ALPK1: variants seen among roughly 807,000 people sequenced by gnomAD.
ALPK1 encodes the protein alpha-protein kinase 1.
ALPK1 carries 110 observed loss-of-function variants against 120.6 expected under a neutral mutation model. That is an observed-to-expected ratio of 0.91 (90% CI 0.78 to 1.07). The LOEUF (loss-of-function observed/expected upper bound fraction) is 1.07. Ranked by LOEUF, ALPK1 falls within the 50% of genes least tolerant of loss-of-function variation. ALPK1 has a pLI of 0.00. For synonymous variants in ALPK1, 582 were observed against 560.3 expected, an observed-to-expected ratio of 1.04 and a Z score of -0.55; for missense variants, 1,498 against 1,483.9, an observed-to-expected ratio of 1.01 and a Z score of -0.16.
At chr4:112,341,501 G>GT (rs1729861942) in intron 2 of ALPK1, among the ~76,000 whole-genome samples, 1 of 152,264 alleles carries the variant, frequency 6.6e-6, no homozygotes, top group Non-Finnish European at 1.5e-5. Context: ...ATAGATTAGG[G>GT]TTTTGTCACT....
intron 4 of ALPK1, among the ~76,000 whole-genome samples, chr4:112,394,127 A>G (rs894951297): frequency 2.6e-5 from 4 of 152,138 alleles, no homozygotes; most frequent in African/African-American, 9.7e-5. Flanking sequence ...CGTGGAAATG[A>G]CGGGACCACC....
chr4:112,358,169 G>A, intron 2 of ALPK1: 1 of 617,938 alleles, frequency 1.6e-6, no homozygotes, highest in African/African-American at 1.8e-5. Flanking sequence ...TGTGAACCAG[G>A]CCATCGGGCA....
chr4:112,439,270 C>T (rs1734921580), intron 13 of ALPK1, among the ~76,000 whole-genome samples: 1 of 152,174 alleles, frequency 6.6e-6, no homozygotes, highest in African/African-American at 2.4e-5. Flanking sequence ...CTTTATGTCA[C>T]TCACTGTGCC....
Position 112,431,031 on chromosome 4 carries a change from CAG to C in ALPK1, c.1486_1487del (p.Glu496AsnfsTer29). 6.2e-7 allele frequency: 1 copy of C among 1,612,920 alleles called. No homozygotes were observed. The highest frequency in any genetic ancestry group is 8.5e-7 in the Non-Finnish European group (1 of 1,179,708). On this transcript the variant is annotated frameshift_variant, in exon 11 of 16. Coordinates refer to ENST00000650871, the MANE Select transcript of ALPK1 (RefSeq NM_025144.4). LOFTEE classifies it high-confidence loss of function. ...GGAGTCTGCATCACTGCTCTAAAAACAGAAATAAAAAACATAGATACTGTGAG... is the reference window on the plus strand; with the variant it reads ...GGAGTCTGCATCACTGCTCTAAAAACAAATAAAAAACATAGATACTGTGAG...
intron 4 of ALPK1, among the ~76,000 whole-genome samples, chr4:112,385,897 T>C (rs954452981): frequency 3.9e-5 from 6 of 152,232 alleles, no homozygotes; most frequent in African/African-American, 1.4e-4. Flanking sequence ...AAACTTTCTG[T>C]GATTTTTTTA....
intron 9 of ALPK1, among the ~76,000 whole-genome samples, chr4:112,428,885 A>G (rs747554104): frequency 8.5e-5 from 13 of 152,260 alleles, no homozygotes; most frequent in Non-Finnish European, 1.6e-4. Context: ...CAAAATGTGC[A>G]GTTCCTTTGA....
At chr4:112,384,780 G>A (rs952755124) in intron 4 of ALPK1, 13 of 152,182 alleles carry the variant, frequency 8.5e-5, no homozygotes, top group African/African-American at 2.9e-4. Context: ...ATAGTGGAGA[G>A]GGTCAAGGTA....
chr4:112,408,451 T>G (rs2148746872), intron 4 of ALPK1, among the ~76,000 whole-genome samples: 1 of 152,224 alleles, frequency 6.6e-6, no homozygotes, highest in African/African-American at 2.4e-5. Context: ...TTGATTTACA[T>G]TTTATGAATG....
chr4:112,416,070 C>T (rs1361253046), intron 5 of ALPK1, among the ~76,000 whole-genome samples: 2 of 152,190 alleles, frequency 1.3e-5, no homozygotes, highest in African/African-American at 2.4e-5. Context: ...AACAAAAAGA[C>T]ACAAATAGTA....
At chr4:112,393,761 G>A (rs778653288) in intron 4 of ALPK1, among the ~76,000 whole-genome samples, 22 of 152,132 alleles carry the variant, frequency 1.4e-4, no homozygotes, top group Non-Finnish European at 4.4e-5. Context: ...AGTGACTCAA[G>A]TACTGCATCT....
chr4:112,390,199 G>A (rs1027827429), intron 4 of ALPK1, among the ~76,000 whole-genome samples: 1 of 152,178 alleles, frequency 6.6e-6, no homozygotes, highest in East Asian at 1.9e-4. Context: ...TCCATCTCAT[G>A]GCCTCCTTTC....
chr4:112,385,725 T>A (rs1385436195), intron 4 of ALPK1, among the ~76,000 whole-genome samples: 1 of 152,194 alleles, frequency 6.6e-6, no homozygotes, highest in Non-Finnish European at 1.5e-5. Flanking sequence ...TTTCATTGTA[T>A]CCCAATCTGG....
At chr4:112,389,195 C>T (rs1231808831) in intron 4 of ALPK1, among the ~76,000 whole-genome samples, 1 of 152,104 alleles carries the variant, frequency 6.6e-6, no homozygotes, top group Non-Finnish European at 1.5e-5. Flanking sequence ...CAGGCACGCA[C>T]CACCACTCCC....
chr4:112,301,805 G>A (rs1394783679), intron 1 of ALPK1, among the ~76,000 whole-genome samples: 3 of 152,154 alleles, frequency 2.0e-5, no homozygotes, highest in Non-Finnish European at 4.4e-5. Context: ...GGAGTGCAGT[G>A]ATGTGATTGT....
rs1238892861 is a variant in ALPK1 at position 112,413,968 on chromosome 4, T to A, written c.475+1943T>A. 2.0e-5 allele frequency among the ~76,000 whole-genome samples: 3 copies of A among 152,204 alleles called. No individual in the cohort carries two copies. In the East Asian group the frequency reaches 5.8e-4, roughly 29 times the overall value. On this transcript the variant is annotated intron_variant, in intron 5 of 15. Transcript: ENST00000650871. ...GTGCCACAGAAAGACAAATATAACC[T>A]CAGAGTTAAGTCTTCTTGTGTAAAC...
intron 4 of ALPK1, among the ~76,000 whole-genome samples, chr4:112,398,913 G>A (rs1732786695): frequency 6.6e-6 from 1 of 152,150 alleles, no homozygotes; most frequent in African/African-American, 2.4e-5. Flanking sequence ...AAAACTCCAA[G>A]GTTTTGTCCT....
intron 2 of ALPK1, among the ~76,000 whole-genome samples, chr4:112,343,840 C>T (rs553549725): frequency 6.7e-6 from 1 of 149,218 alleles, no homozygotes; most frequent in African/African-American, 2.5e-5. Context: ...GGAGCACATT[C>T]ATGCCCATCT....
intron 2 of ALPK1, among the ~76,000 whole-genome samples, chr4:112,335,698 C>G (rs1729585685): frequency 6.6e-6 from 1 of 152,186 alleles, no homozygotes; most frequent in Admixed American, 6.5e-5. Flanking sequence ...AGTATAATCT[C>G]TATCTCAAAA....
chr4:112,333,888 T>C (rs1467696923), intron 2 of ALPK1, among the ~76,000 whole-genome samples: 2 of 152,182 alleles, frequency 1.3e-5, no homozygotes, highest in African/African-American at 4.8e-5. Flanking sequence ...ATGCTTTTTC[T>C]TTTCCTTTTG....
Sources: gnomAD v4.1 joint callset for allele counts (sites outside exome capture counted in the v4.1 genomes callset) on GRCh38, gnomAD v4.1.1 for gene constraint, MANE v1.5 for transcripts, NCBI Gene and HGNC (gene_info 2026-07-23, HGNC 2026-07-21) for gene names.